GLIS3: variants seen among roughly 807,000 people sequenced by gnomAD.
GLIS3 encodes GLIS family zinc finger 3.
Under a neutral mutation model 78.6 loss-of-function variants are expected in GLIS3, and 53 were observed. The ratio of observed to expected loss-of-function variants is 0.67; its 90% confidence interval spans 0.54 to 0.85. The LOEUF is 0.85. GLIS3 is among the 40% of genes least tolerant of loss of function. GLIS3 has a pLI of 0.00. For synonymous variants in GLIS3, 684 were observed against 509.9 expected, an observed-to-expected ratio of 1.34 and a Z score of -4.60; for missense variants, 1,703 against 1,231.1, an observed-to-expected ratio of 1.38 and a Z score of -5.74.
chr9:4,251,022 C>T (rs962811949), intron 2 of GLIS3, among the ~76,000 whole-genome samples: 2 of 152,104 alleles, frequency 1.3e-5, no homozygotes, highest in Admixed American at 1.3e-4. Flanking sequence ...TGTTTTACTT[C>T]CAACTATGTG....
chr9:3,838,995 A>G (rs1400846852), intron 9 of GLIS3, among the ~76,000 whole-genome samples: 1 of 152,240 alleles, frequency 6.6e-6, no homozygotes, highest in Non-Finnish European at 1.5e-5. Context: ...GCCTAATTCT[A>G]TACATTCAAA....
intron 2 of GLIS3, among the ~76,000 whole-genome samples, chr9:4,136,008 G>C (rs189448844): frequency 1.6e-4 from 25 of 152,242 alleles, no homozygotes; most frequent in African/African-American, 5.8e-4. Context: ...AATACAGTAA[G>C]GCATGGCTAA....
intron 4 of GLIS3, among the ~76,000 whole-genome samples, chr9:3,994,971 T>C (rs1451166058): frequency 6.6e-6 from 1 of 152,134 alleles, no homozygotes; most frequent in South Asian, 2.1e-4. Context: ...ATTCTAACAA[T>C]TTCAGGTACC....
chr9:4,336,954 G>C (rs867164296), intron 2 of GLIS3, among the ~76,000 whole-genome samples: 1 of 152,172 alleles, frequency 6.6e-6, no homozygotes, highest in African/African-American at 2.4e-5. Flanking sequence ...CAAGTAAATG[G>C]ACAATTTCCA....
At chr9:3,880,561 T>C (rs891368431) in intron 7 of GLIS3, among the ~76,000 whole-genome samples, 1 of 152,220 alleles carries the variant, frequency 6.6e-6, no homozygotes. Flanking sequence ...TTTTTGAACT[T>C]ACTCTACTAA....
chr9:4,219,040 C>T (rs1302638732), intron 2 of GLIS3, among the ~76,000 whole-genome samples: 2 of 152,274 alleles, frequency 1.3e-5, no homozygotes, highest in African/African-American at 4.8e-5. Flanking sequence ...TAAGTAAGAG[C>T]CCAATGAATA....
the GLIS3 span, among the ~76,000 whole-genome samples, chr9:4,435,465 T>C: frequency 2.0e-5 from 3 of 152,202 alleles, no homozygotes; most frequent in Admixed American, 6.5e-5. Flanking sequence ...ACCAATTCCC[T>C]TTCCCTTCTC....
rs138680089 is a variant in GLIS3 at position 4,163,661 on chromosome 9, T to C, written c.389-37720A>G. 7.0e-3 allele frequency among the ~76,000 whole-genome samples: 1,068 copies of C among 152,320 alleles called. 15 individuals carry two copies. Among genetic ancestry groups the C allele is most frequent in the African/African-American group, 0.025 (1,043 of 41,582 alleles). On this transcript the variant is annotated intron_variant, in intron 2 of 10. Coordinates refer to ENST00000381971, the MANE Select transcript of GLIS3 (RefSeq NM_001042413.2). ...ATTGCTTATATATGCGGGCCAGTCA[T>C]TGAGTAGCTACACTTCAGTATTCTG...
intron 4 of GLIS3, among the ~76,000 whole-genome samples, chr9:4,028,254 C>A (rs539670424): frequency 2.0e-5 from 3 of 152,118 alleles, no homozygotes; most frequent in Non-Finnish European, 4.4e-5. Flanking sequence ...TGATAACATA[C>A]ATCACTTCGC....
intron 2 of GLIS3, among the ~76,000 whole-genome samples, chr9:4,205,971 G>GT (rs1450602359): frequency 6.6e-6 from 1 of 152,096 alleles, no homozygotes; most frequent in African/African-American, 2.4e-5. Flanking sequence ...TTTGTTCATT[G>GT]TTTGTTTGTT....
intron 4 of GLIS3, among the ~76,000 whole-genome samples, chr9:4,039,821 CA>C (rs1164327023): frequency 2.6e-5 from 4 of 152,284 alleles, no homozygotes; most frequent in South Asian, 2.1e-4. Flanking sequence ...TCAAGTACTA[CA>C]GGAGTTAGAG....
At chr9:4,384,604 C>A in the GLIS3 span, among the ~76,000 whole-genome samples, 8 of 150,312 alleles carry the variant, frequency 5.3e-5, no homozygotes, top group African/African-American at 2.0e-4. Context: ...ATATTTATGA[C>A]TCTCTAATTT....
chr9:4,053,193 C>T (rs578058284), intron 4 of GLIS3, among the ~76,000 whole-genome samples: 1 of 152,174 alleles, frequency 6.6e-6, no homozygotes, highest in East Asian at 1.9e-4. Context: ...CAGCAATCCA[C>T]TTGCCTTGGC....
chr9:3,896,861 A>T (rs1822881382), intron 7 of GLIS3, among the ~76,000 whole-genome samples: 1 of 152,102 alleles, frequency 6.6e-6, no homozygotes, highest in South Asian at 2.1e-4. Flanking sequence ...CTTGCCCCTT[A>T]GGAGGCAAAC....
At chr9:3,999,761 C>G (rs1252190682) in intron 4 of GLIS3, among the ~76,000 whole-genome samples, 3 of 152,054 alleles carry the variant, frequency 2.0e-5, no homozygotes, top group African/African-American at 4.8e-5. Context: ...CCTTAATGAG[C>G]TTATCCTGAA....
At chr9:4,349,462 T>G (rs1038915504), upstream of GLIS3, among the ~76,000 whole-genome samples, 2 of 152,182 alleles carry the variant, frequency 1.3e-5, no homozygotes, top group Admixed American at 1.3e-4. Flanking sequence ...AGAGTCTAAT[T>G]GGTGTTGAGG....
chr9:4,238,365 G>C (rs917386544), intron 2 of GLIS3, among the ~76,000 whole-genome samples: 2 of 152,142 alleles, frequency 1.3e-5, no homozygotes, highest in African/African-American at 4.8e-5. Context: ...ATATGACCGT[G>C]AATATACTCC....
intron 4 of GLIS3, among the ~76,000 whole-genome samples, chr9:4,020,659 C>T (rs1260626566): frequency 3.3e-5 from 5 of 152,208 alleles, no homozygotes; most frequent in Admixed American, 2.6e-4. Context: ...ACAGATTTTG[C>T]AGTAAAAGCC....
chr9:4,370,898 A>C, the GLIS3 span, among the ~76,000 whole-genome samples: 2 of 152,072 alleles, frequency 1.3e-5, no homozygotes, highest in African/African-American at 4.8e-5. Flanking sequence ...AAACCTCAGA[A>C]GGCAAAAGAT....
Sources: allele counts gnomAD v4.1 joint callset (sites outside exome capture counted in the v4.1 genomes callset), GRCh38; gene constraint gnomAD v4.1.1; transcripts MANE v1.5; gene names NCBI Gene and HGNC (gene_info 2026-07-23, HGNC 2026-07-21).